ZNHIT3: variants seen among roughly 807,000 people sequenced by gnomAD.
ZNHIT3 encodes the protein zinc finger HIT-type containing 3.
In ZNHIT3, 27 loss-of-function variants were observed where a neutral mutation model predicts 19.9. That is an observed-to-expected ratio of 1.36 (90% confidence interval 1.00 to 1.87). The LOEUF is 1.87. ZNHIT3 is among the 40% of genes most tolerant of loss of function. ZNHIT3 has a pLI of 0.00. For synonymous variants in ZNHIT3, 81 were observed against 65.7 expected (o/e 1.23, Z -1.13); for missense variants, 215 against 185.6 (o/e 1.16, Z -0.92).
intron 2 of ZNHIT3, 25 bp downstream of exon 2, chr17:36,486,991 C>G (rs757057781): frequency 1.2e-5 from 19 of 1,610,140 alleles, no homozygotes; most frequent in Admixed American, 3.4e-5. Context: ...CGCCAGCCCT[C>G]GTACCACTGC....
chr17:36,491,342 C>CTTT (rs942580095), intron 2 of ZNHIT3: 43 of 151,766 alleles, frequency 2.8e-4, no homozygotes, highest in African/African-American at 1.0e-3. Flanking sequence ...CTTTTTTTTC[C>CTTT]TTTTTTCGAG....
downstream of ZNHIT3, chr17:36,499,069 A>T (rs377345414): frequency 1.4e-4 from 219 of 1,602,422 alleles, 2 homozygotes; most frequent in South Asian, 4.2e-4. Context: ...CTTGGGTCTT[A>T]CTTACTCTCC....
At chr17:36,498,459 C>G (rs2071205636), downstream of ZNHIT3, 3 of 1,614,048 alleles carry the variant, frequency 1.9e-6, no homozygotes, top group Non-Finnish European at 2.5e-6. Flanking sequence ...CTCCAGGAGC[C>G]TGGTCTGCAG....
chr17:36,487,910 C>A (rs1292244337), intron 2 of ZNHIT3, among the ~76,000 whole-genome samples: 1 of 151,780 alleles, frequency 6.6e-6, no homozygotes, highest in Non-Finnish European at 1.5e-5. Flanking sequence ...TTGAGACCAG[C>A]CTGGGCAACA....
chr17:36,491,789 T>C (rs1243853908), intron 2 of ZNHIT3: 1 of 152,148 alleles, frequency 6.6e-6, no homozygotes, highest in African/African-American at 2.4e-5. Context: ...ACCCAGAAAA[T>C]TCACCTCTCC....
In ZNHIT3 at chr17:36,495,570, T is replaced by G. The variant is rs2070896632; in HGVS notation, c.*166T>G. ...TACCGGCATTGATGTGGCTCATGTT[T>G]CAGGCAGACTTGGGGTCCTTAAGGT... On this transcript the variant is annotated 3_prime_UTR_variant, in exon 5 of 5. Coordinates refer to ENST00000617429, the MANE Select transcript of ZNHIT3 (RefSeq NM_004773.4). 7.6e-7 allele frequency: 1 copy of G among 1,316,744 alleles called. No individual in the cohort carries two copies. Among genetic ancestry groups the G allele is most frequent in the Non-Finnish European group, 9.6e-7 (1 of 1,036,674 alleles). 81.6% of individuals were successfully genotyped at this position (1,316,744 alleles called of 1,614,324 possible).
At chr17:36,499,054 G>A (rs773864922), downstream of ZNHIT3, 7 of 1,584,768 alleles carry the variant, frequency 4.4e-6, no homozygotes, top group African/African-American at 2.7e-5. Context: ...TGCCCACCCC[G>A]ACTTCTTGGG....
downstream of ZNHIT3, chr17:36,495,888 T>C (rs2070924676): frequency 8.1e-7 from 1 of 1,233,104 alleles, no homozygotes; most frequent in African/African-American, 1.6e-5. Context: ...GCGCCAATTT[T>C]AGGCCAACTT....
chr17:36,498,315 T>G (rs2071194037), downstream of ZNHIT3: 1 of 1,613,886 alleles, frequency 6.2e-7, no homozygotes, highest in Admixed American at 1.7e-5. Flanking sequence ...TTGTGCTGTC[T>G]GGACAGTGTA....
chr17:36,493,318 AGTAGTGG>A (rs2070769895), intron 3 of ZNHIT3: 1 of 220,262 alleles, frequency 4.5e-6, no homozygotes, highest in Non-Finnish European at 9.0e-6. Context: ...AGCTCACAGC[AGTAGTGG>A]GCTGTCAACC....
rs532017720 is a variant in ZNHIT3 at position 36,486,841 on chromosome 17, G to GCGGGAGGC, written c.86+69_87-74dup. 6.8e-3 allele frequency: 10,841 copies of GCGGGAGGC among 1,599,690 alleles called. 325 individuals carry two copies. In the East Asian group the frequency reaches 0.069, roughly 10 times the overall value. ...GCGGGTGTCCGGCCATGGCGGGAGG[G>GCGGGAGGC]CGGGAGGCCGGGAGGCCGGGCGGGA... On this transcript the variant is annotated intron_variant, in intron 1 of 4. Transcript: ENST00000617429.
chr17:36,496,082 G>A (rs2070939298), downstream of ZNHIT3: 1 of 944,848 alleles, frequency 1.1e-6, no homozygotes, highest in Non-Finnish European at 1.6e-6. Flanking sequence ...GGAACCCCAG[G>A]CCCACTGACG....
At chr17:36,497,569 T>A, downstream of ZNHIT3, 1 of 984,404 alleles carries the variant, frequency 1.0e-6, no homozygotes, top group Non-Finnish European at 1.2e-6. Context: ...GTAATTGACC[T>A]ATTATTACCC....
Position 36,489,013 on chromosome 17 carries a change from C to T in ZNHIT3, c.118+2047C>T, listed in dbSNP as rs1267004003. 3 of 152,256 alleles carry T rather than the reference C, an allele frequency of 2.0e-5. No homozygotes were observed. The South Asian group carries it at 6.2e-4, about 32-fold the overall frequency. 9.4% of individuals were successfully genotyped at this position (152,256 alleles called of 1,614,324 possible). ...CCTCCAGTTACCACTATTCTGCTCT[C>T]TACTTCTGTGAAATCAACTTGCTTA... On this transcript the variant is annotated intron_variant, in intron 2 of 4. Coordinates refer to ENST00000617429, the MANE Select transcript of ZNHIT3 (RefSeq NM_004773.4).
At chr17:36,489,748 C>A (rs1355003028) in intron 2 of ZNHIT3, 1 of 151,930 alleles carries the variant, frequency 6.6e-6, no homozygotes, top group African/African-American at 2.4e-5. Context: ...CCTGCCTCAG[C>A]CTCCAAAGTA....
At chr17:36,498,117 C>T, downstream of ZNHIT3, 1 of 754,568 alleles carries the variant, frequency 1.3e-6, no homozygotes, top group Non-Finnish European at 2.1e-6. Flanking sequence ...AAACCTGCAG[C>T]TGATTGGGAC....
Position 36,492,858 on chromosome 17 carries a change from C to A in ZNHIT3, c.164C>A (p.Ser55Ter). Residue 55 changes from serine (S) to a stop codon, truncating the protein, a stop_gained, in exon 3 of 5, where the codon TCA becomes TAA. Transcript: ENST00000617429. LOFTEE classifies it high-confidence loss of function. ...CGTCCTGTTGAGAAAAAAATAAGATCAGCTCTTCCTACCAAAACCGTAAAG... is the reference window on the plus strand; with the variant it reads ...CGTCCTGTTGAGAAAAAAATAAGATAAGCTCTTCCTACCAAAACCGTAAAG... ...ETRPVEKKIR[S>*]ALPTKTVKPV... 1 of 1,614,166 alleles carries A rather than the reference C, an allele frequency of 6.2e-7. No individual in the cohort carries two copies. Among genetic ancestry groups the A allele is most frequent in the Non-Finnish European group, 8.5e-7 (1 of 1,180,024 alleles).
chr17:36,498,976 C>T, downstream of ZNHIT3: 1 of 968,610 alleles, frequency 1.0e-6, no homozygotes, highest in Non-Finnish European at 1.6e-6. Flanking sequence ...CTGCCCAAGG[C>T]CACCTGCATT....
rs538474249 is a variant in ZNHIT3 at position 36,486,704 on chromosome 17, C to A, written c.5C>A (p.Ala2Glu). 8.7e-6 allele frequency: 14 copies of A among 1,613,888 alleles called. No individual in the cohort carries two copies. The South Asian group carries it at 1.2e-4, about 14-fold the overall frequency. Residue 2 changes from alanine to glutamate, a missense_variant, in exon 1 of 5, where the codon GCG (alanine) becomes GAG (glutamate). Transcript: ENST00000617429. ...ACAGTCTCCTTCCACAAAACCATGG[C>A]GTCGCTCAAATGTAGCACCGTCGTC... MASLKCSTVVCV... is the reference protein window; with the variant it reads MESLKCSTVVCV...
Sources: allele counts gnomAD v4.1 joint callset (sites outside exome capture counted in the v4.1 genomes callset), GRCh38; gene constraint gnomAD v4.1.1; transcripts MANE v1.5; gene names NCBI Gene and HGNC (gene_info 2026-07-23, HGNC 2026-07-21).